Variants in ASPSCR1 observed in about 807,000 individuals in gnomAD.
ASPSCR1 encodes ASPSCR1 tether for SLC2A4, UBX domain containing, also known as tether containing UBX domain for GLUT4.
A neutral mutation model predicts 68.9 loss-of-function variants in ASPSCR1; 55 were observed. That is an observed-to-expected ratio of 0.80 (90% CI 0.64 to 1.00). The LOEUF (loss-of-function observed/expected upper bound fraction) is 1.00, where lower values mean the gene tolerates loss of function less well. Ranked by LOEUF, ASPSCR1 falls within the 50% of genes least tolerant of loss-of-function variation. The pLI is 0.00. For missense variants in ASPSCR1, 765 were observed against 762.2 expected, an observed-to-expected ratio of 1.00 and a Z score of -0.04; for synonymous variants, 352 against 332.6, an observed-to-expected ratio of 1.06 and a Z score of -0.63.
rs995150267 is a variant in ASPSCR1 at position 82,008,807 on chromosome 17, G to A, written c.934-230G>A. ...GCATCAGGTCTGGTGCACTGACTGG[G>A]AGAGGGGGGTCTCCAGCCCTGGACA... On this transcript the variant is annotated intron_variant, in intron 7 of 15. Coordinates refer to ENST00000306739, the MANE Select transcript of ASPSCR1 (RefSeq NM_024083.4). The A allele has an allele frequency of 3.6e-5, 18 of 495,616 alleles. No individual in the cohort carries two copies. In the South Asian group the frequency reaches 5.4e-4, roughly 15 times the overall value. The allele number at this position is 495,616 out of a possible 1,614,324, so 30.7% of individuals were successfully genotyped here. A position where few individuals can be genotyped will look rare whatever the true frequency, so the allele number is the denominator to read the frequency against.
intron 5 of ASPSCR1, 133 bp downstream of exon 5, chr17:81,995,011 C>G (rs2042291022): frequency 7.6e-6 from 8 of 1,047,458 alleles, no homozygotes; most frequent in Non-Finnish European, 1.1e-5. Context: ...CGACGTGTTT[C>G]ATGGAAAAAG....
At chr17:81,998,208 C>T (rs1462494175) in intron 7 of ASPSCR1, among the ~76,000 whole-genome samples, 2 of 152,162 alleles carry the variant, frequency 1.3e-5, no homozygotes, top group Non-Finnish European at 2.9e-5. Flanking sequence ...TGGGCTCAAG[C>T]GATCTTCTTA....
At chr17:82,002,900 G>C (rs1258571593) in intron 7 of ASPSCR1, among the ~76,000 whole-genome samples, 1 of 146,494 alleles carries the variant, frequency 6.8e-6, no homozygotes, top group Non-Finnish European at 1.5e-5. Context: ...TTCGAGACAG[G>C]GTCTGTCTAT....
intron 3 of ASPSCR1, among the ~76,000 whole-genome samples, chr17:81,985,095 C>T (rs545852559): frequency 9.4e-5 from 14 of 149,248 alleles, no homozygotes; most frequent in Admixed American, 6.0e-4. Flanking sequence ...TACACATCTG[C>T]GCACATACCC....
Position 81,983,616 on chromosome 17 carries a change from C to T in ASPSCR1, c.221C>T (p.Ala74Val), listed in dbSNP as rs372380480. The T allele has an allele frequency of 2.5e-6, 4 of 1,613,548 alleles. No individual in the cohort carries two copies. Among genetic ancestry groups the T allele is most frequent in the Non-Finnish European group, 3.4e-6 (4 of 1,179,922 alleles). ...QWRFANLPNNAKLEMVPASRS... is the reference protein window; with the variant it reads ...QWRFANLPNNVKLEMVPASRS... ...AGATTTGCCAACCTGCCCAACAATG[C>T]CAAGCTGGAGATGGTGCCCGCTTCC... The change falls in exon 3 of 16, where the codon GCC becomes GTC. Residue 74 changes from alanine (A) to valine (V), a missense_variant. Ala to Val is a moderately conservative substitution (Grantham distance 64). Transcript: ENST00000306739. This position sits in a 1 kb window ranked among gnomAD's most constrained non-coding sequence, Gnocchi z 4.4.
chr17:82,001,672 G>A (rs1196304040), intron 7 of ASPSCR1, among the ~76,000 whole-genome samples: 1 of 152,196 alleles, frequency 6.6e-6, no homozygotes, highest in Non-Finnish European at 1.5e-5. Context: ...CTGCTGCAGG[G>A]CGCAGACCCC....
Position 81,999,791 on chromosome 17 carries a change from ATGCCTCCCTCT to A in ASPSCR1, c.933+2954_933+2964del, listed in dbSNP as rs925132840. ...GGCCACTTCTGAGTGAAGCAACCTC[ATGCCTCCCTCT>A]TGCCTCCCGGCCACACACCTGGGAG... On this transcript the variant is annotated intron_variant, in intron 7 of 15. Transcript: ENST00000306739. This position sits in a 1 kb window ranked among gnomAD's most constrained non-coding sequence, Gnocchi z 4.4. Among the ~76,000 whole-genome samples the A allele has an allele frequency of 6.6e-5, 10 of 152,082 alleles. No homozygotes were observed. The highest frequency in any genetic ancestry group is 2.4e-4 in the African/African-American group (10 of 41,410).
At position 82,000,466 on chromosome 17, in the gene ASPSCR1, C is replaced by G. The variant is rs866612518; in HGVS notation, c.933+3620C>G. The stretch of plus-strand genomic sequence containing the variant: ...GCGCCTCCCATCGCCGCCAGCCGCA[C>G]ACGCAGAGGGCCCGGGGCCACATGC... On this transcript the variant is annotated intron_variant, in intron 7 of 15. Transcript: ENST00000306739. 1.2e-4 allele frequency among the ~76,000 whole-genome samples: 18 copies of G among 152,298 alleles called. No homozygotes were observed. The South Asian group carries it at 2.7e-3, about 23-fold the overall frequency.
At chr17:81,985,065 C>A in intron 3 of ASPSCR1, among the ~76,000 whole-genome samples, 1 of 146,228 alleles carries the variant, frequency 6.8e-6, no homozygotes, top group South Asian at 2.2e-4. Context: ...CACCCACGCA[C>A]ACACCTGTAC....
rs373301255 is a variant in ASPSCR1, at chr17:81,994,741, C to T, written c.375-80C>T. On this transcript the variant is annotated intron_variant, in intron 4 of 15. Transcript: ENST00000306739. ...GTGAGGGCCCCACACCTTTGCTTTC[C>T]GAGTCTCCTGCCCCAGGGCCTCCGT... 7.2e-5 allele frequency: 105 copies of T among 1,460,604 alleles called. No individual in the cohort carries two copies. In the East Asian group the frequency reaches 8.9e-4, roughly 12 times the overall value. The allele number at this position is 1,460,604 out of a possible 1,614,324, so 90.5% of individuals were successfully genotyped here.
intron 5 of ASPSCR1, 121 bp downstream of exon 5, chr17:81,994,999 C>A: frequency 8.9e-7 from 1 of 1,120,228 alleles, no homozygotes; most frequent in Non-Finnish European, 1.2e-6. Context: ...CTCTTGAAAG[C>A]ACGACGTGTT....
intron 13 of ASPSCR1, 91 bp downstream of exon 13, chr17:82,016,618 G>A: frequency 6.6e-7 from 1 of 1,515,960 alleles, no homozygotes. Flanking sequence ...TTCGGTCTGG[G>A]GCCTCCTTTG....
chr17:81,989,851 G>A (rs544161417), intron 4 of ASPSCR1, among the ~76,000 whole-genome samples: 75 of 152,310 alleles, frequency 4.9e-4, no homozygotes, highest in African/African-American at 1.4e-3. Context: ...GCAGTGGTGC[G>A]ATCTTGGCTC....
At chr17:82,006,673 G>T (rs914544192) in intron 7 of ASPSCR1, 2 of 152,264 alleles carry the variant, frequency 1.3e-5, no homozygotes, top group African/African-American at 2.4e-5. Flanking sequence ...CTGGGGAGGG[G>T]GGACGGGAAT....
In ASPSCR1 at chr17:81,999,509, C is replaced by A. The variant is rs1178259412; in HGVS notation, c.933+2663C>A. On this transcript the variant is annotated intron_variant, in intron 7 of 15. Transcript: ENST00000306739. This position sits in a 1 kb window ranked among gnomAD's most constrained non-coding sequence, Gnocchi z 4.4. ...GGGTGTGGTGGCAGGTGCCTGTAAT[C>A]CCAGCTACTCGGGAGACTGAGGCAG... Among the ~76,000 whole-genome samples the A allele has an allele frequency of 3.9e-5, 6 of 152,080 alleles. No homozygotes were observed. The highest frequency in any genetic ancestry group is 8.8e-5 in the Non-Finnish European group (6 of 68,020).
At position 81,996,045 on chromosome 17, in the gene ASPSCR1, C is replaced by CG; in HGVS notation, c.491dup (p.Ser165GlnfsTer104). On this transcript the variant is annotated frameshift_variant, in exon 6 of 16. Transcript: ENST00000306739. LOFTEE classifies it high-confidence loss of function. ...CGACGCTGCAGTCGCTGGGCCTGAC[C>CG]GGGGGCAGCGCCACCATCAGGTAAG... 2 of 1,609,254 alleles carry CG rather than the reference C, an allele frequency of 1.2e-6. No individual in the cohort carries two copies. The highest frequency in any genetic ancestry group is 8.5e-7 in the Non-Finnish European group (1 of 1,178,788).
In ASPSCR1 at chr17:81,977,814, T is replaced by C. The variant is rs976093720; in HGVS notation, c.102+66T>C. On this transcript the variant is annotated intron_variant, in intron 1 of 15. Transcript: ENST00000306739. This position sits in a 1 kb window ranked among gnomAD's most constrained non-coding sequence, Gnocchi z 5.0. ...GGGCGCTGCGCCGAGGCCCCGCCCA[T>C]TGCGGTCGGCGTCCCGGTGTTCGGG... is the stretch of plus-strand genomic sequence containing the variant. 3.0e-5 allele frequency: 35 copies of C among 1,153,124 alleles called. No individual in the cohort carries two copies. The African/African-American group carries it at 4.2e-4, about 14-fold the overall frequency. The allele number at this position is 1,153,124 out of a possible 1,614,324, so 71.4% of individuals were successfully genotyped here.
rs1258034272 is a variant in ASPSCR1, at chr17:81,986,141, A to G, written c.374+534A>G. On this transcript the variant is annotated intron_variant, in intron 4 of 15. Coordinates refer to ENST00000306739, the MANE Select transcript of ASPSCR1 (RefSeq NM_024083.4). This position sits in a 1 kb window ranked among gnomAD's most constrained non-coding sequence, Gnocchi z 5.2. ...TAATAGTAATTGGATGGCTGGGCAC[A>G]GTGGCTGGGCACAGTGGCTGGGCAA... 6.6e-6 allele frequency among the ~76,000 whole-genome samples: 1 copy of G among 151,054 alleles called. No homozygotes were observed. Among genetic ancestry groups the G allele is most frequent in the Admixed American group, 6.6e-5 (1 of 15,236 alleles).
chr17:82,010,077 A>G, intron 9 of ASPSCR1: 1 of 301,878 alleles, frequency 3.3e-6, no homozygotes, highest in African/African-American at 2.7e-5. Flanking sequence ...TAGCTCGGCT[A>G]ATTTTTGTTG....
Sources: allele counts gnomAD v4.1 joint callset (sites outside exome capture counted in the v4.1 genomes callset), GRCh38; gene constraint gnomAD v4.1.1; non-coding constraint Gnocchi (gnomAD v3.1); transcripts MANE v1.5; gene names NCBI Gene and HGNC (gene_info 2026-07-23, HGNC 2026-07-21).